The following SLC12A2 variants were observed in gnomAD, a reference collection of about 807,000 sequenced individuals.
The protein encoded by SLC12A2 is Na-K-2Cl cotransporter 1.
A neutral mutation model predicts 136.3 loss-of-function variants in SLC12A2; 67 were observed. That is an observed-to-expected ratio of 0.49 (90% CI 0.40 to 0.60). SLC12A2 has a LOEUF of 0.60. Ranked by LOEUF, SLC12A2 falls within the 20% of genes least tolerant of loss-of-function variation. The pLI is 0.00. For synonymous variants in SLC12A2, 619 were observed against 562.9 expected (o/e 1.10, Z -1.41); for missense variants, 1,322 against 1,534.7 (o/e 0.86, Z 2.32).
intron 1 of SLC12A2, among the ~76,000 whole-genome samples, chr5:128,102,305 TAG>T (rs1760765339): frequency 6.6e-6 from 1 of 152,110 alleles, no homozygotes; most frequent in African/African-American, 2.4e-5. Context: ...GATCAAGAAA[TAG>T]AATGTTGCTG....
In SLC12A2 at chr5:128,180,984, G is replaced by T; in HGVS notation, c.3202G>T (p.Asp1068Tyr). ...TGGAAAGATAAACAGAATAGACCAT[G>T]ACCGGAGAGCGTAAGTTTATTTCAC... is the stretch of plus-strand genomic sequence containing the variant. ...IGGKINRIDH[D>Y]RRAMATLLSK... The change falls in exon 23 of 27, where the codon GAC (aspartate) becomes TAC (tyrosine). Residue 1068 changes from aspartate (D) to tyrosine (Y), a missense_variant. Coordinates refer to ENST00000262461, the MANE Select transcript of SLC12A2 (RefSeq NM_001046.3). The T allele has an allele frequency of 1.3e-6, 2 of 1,585,320 alleles. No individual in the cohort carries two copies. Among genetic ancestry groups the T allele is most frequent in the South Asian group, 1.1e-5 (1 of 90,240 alleles).
chr5:128,114,530 C>T (rs1212633711), intron 3 of SLC12A2, 56 bp from the exon 4 acceptor site: 1 of 1,194,316 alleles, frequency 8.4e-7, no homozygotes, highest in Admixed American at 1.7e-5. Flanking sequence ...GTTTTAGATA[C>T]CGATGAGCTT....
chr5:128,176,754 A>T (rs961452559), intron 20 of SLC12A2, among the ~76,000 whole-genome samples: 1 of 152,064 alleles, frequency 6.6e-6, no homozygotes, highest in Non-Finnish European at 1.5e-5. Flanking sequence ...CTGCAATATC[A>T]ATGTTTAATG....
At chr5:128,124,449 C>A (rs1156667579) in intron 4 of SLC12A2, among the ~76,000 whole-genome samples, 2 of 152,186 alleles carry the variant, frequency 1.3e-5, no homozygotes, top group African/African-American at 2.4e-5. Flanking sequence ...GGGGTTTCCA[C>A]AGCCCCTTCC....
intron 12 of SLC12A2, 72 bp downstream of exon 12, chr5:128,148,949 T>TTAATA: frequency 7.9e-7 from 1 of 1,259,956 alleles, no homozygotes; most frequent in Non-Finnish European, 1.1e-6. Context: ...ATTATTAAAT[T>TTAATA]ATTAACAATG....
intron 18 of SLC12A2, chr5:128,168,317 C>T (rs57404079): frequency 0.046 from 7,069 of 152,410 alleles, 552 homozygotes; most frequent in African/African-American, 0.16. Context: ...TCATTTGGTT[C>T]ATTCATTAAG....
chr5:128,114,390 G>T, intron 3 of SLC12A2, 103 bp downstream of exon 3: 2 of 934,218 alleles, frequency 2.1e-6, no homozygotes, highest in African/African-American at 1.7e-5. Context: ...TTTTAACTAC[G>T]TTTTCCTTTA....
chr5:128,179,071 G>A (rs78878214), intron 22 of SLC12A2, among the ~76,000 whole-genome samples: 4,835 of 152,260 alleles, frequency 0.032, 102 homozygotes, highest in Non-Finnish European at 0.045. Context: ...GGTGGCACAG[G>A]ATGTTGATTT....
rs538774134 is a variant in SLC12A2 at position 128,153,720 on chromosome 5, C to T, written c.2363+915C>T. ...AGGGAAAATAATGTTTTTAAAGAAA[C>T]CCTGAAACGTAGATAAATGTCAAAA... On this transcript the variant is annotated intron_variant, in intron 15 of 26. Transcript: ENST00000262461. Among the ~76,000 whole-genome samples the T allele has an allele frequency of 2.3e-3, 355 of 152,146 alleles. 4 individuals are homozygous for T. Among genetic ancestry groups the T allele is most frequent in the Non-Finnish European group, 3.5e-3 (236 of 68,002 alleles).
intron 7 of SLC12A2, among the ~76,000 whole-genome samples, chr5:128,138,236 G>GC (rs1196527293): frequency 1.3e-4 from 20 of 152,150 alleles, no homozygotes; most frequent in Admixed American, 1.3e-3. Flanking sequence ...ACCACGCCAT[G>GC]CCCCCTTTTG....
intron 2 of SLC12A2, among the ~76,000 whole-genome samples, chr5:128,113,450 T>C (rs1169949573): frequency 1.3e-5 from 2 of 152,220 alleles, no homozygotes; most frequent in Non-Finnish European, 2.9e-5. Context: ...TCAGATTTAC[T>C]TCTGTTTTTC....
intron 10 of SLC12A2, among the ~76,000 whole-genome samples, chr5:128,143,892 AAATAAAATTATTTAT>A (rs201345860): frequency 0.024 from 3,654 of 149,312 alleles, 65 homozygotes; most frequent in South Asian, 0.05. Context: ...TTTTTATTAT[AAATAAAATTATTTAT>A]AATAAAATTA....
intron 1 of SLC12A2, among the ~76,000 whole-genome samples, chr5:128,094,393 G>A (rs1387266925): frequency 6.6e-6 from 1 of 151,808 alleles, no homozygotes; most frequent in African/African-American, 2.4e-5. Flanking sequence ...TGCGTATGTG[G>A]TGTTTAAGAC....
At chr5:128,087,428 A>G (rs1209323385) in intron 1 of SLC12A2, among the ~76,000 whole-genome samples, 1 of 152,178 alleles carries the variant, frequency 6.6e-6, no homozygotes, top group African/African-American at 2.4e-5. Flanking sequence ...ACTTGTAAAG[A>G]TAGAATAGGA....
chr5:128,126,969 T>TATAA lies in SLC12A2; in HGVS notation c.1049-4098_1049-4097insATAA, dbSNP rs1483249957. On this transcript the variant is annotated intron_variant, in intron 4 of 26. Transcript: ENST00000262461. The stretch of plus-strand genomic sequence containing the variant: ...ATATATATATATATATATATATATT[T>TATAA]TTTTTTTTTTTTTTTTTTGCATCTA... 6.1e-4 allele frequency among the ~76,000 whole-genome samples: 75 copies of TATAA among 123,362 alleles called. 3 individuals are homozygous for TATAA. Among genetic ancestry groups the TATAA allele is most frequent in the Non-Finnish European group, 5.2e-4 (32 of 61,426 alleles). 80.9% of individuals were successfully genotyped at this position (123,362 alleles called of 152,430 possible).
In SLC12A2 at chr5:128,096,936, T is replaced by G. The variant is rs1760561842; in HGVS notation, c.756+12226T>G. Reference sequence around the variant, plus strand: ...AAAATAGCAGTCTGTAATAACCCTTTAGATATAAGAACAGGACCTGAATTT... The same window carrying G: ...AAAATAGCAGTCTGTAATAACCCTTGAGATATAAGAACAGGACCTGAATTT... On this transcript the variant is annotated intron_variant, in intron 1 of 26. Coordinates refer to ENST00000262461, the MANE Select transcript of SLC12A2 (RefSeq NM_001046.3). 2.0e-5 allele frequency among the ~76,000 whole-genome samples: 3 copies of G among 152,178 alleles called. No homozygotes were observed. In the South Asian group the frequency reaches 6.2e-4, roughly 31 times the overall value.
At chr5:128,160,843 TTG>T (rs145223863) in intron 16 of SLC12A2, among the ~76,000 whole-genome samples, 145 of 147,078 alleles carry the variant, frequency 9.9e-4, no homozygotes, top group African/African-American at 1.8e-3. Flanking sequence ...GGGTGTGTGT[TTG>T]TGTGTGTGTG....
intron 4 of SLC12A2, among the ~76,000 whole-genome samples, chr5:128,122,538 C>G (rs1761621578): frequency 1.3e-5 from 2 of 152,096 alleles, no homozygotes; most frequent in South Asian, 4.1e-4. Context: ...CATTTTTTAA[C>G]AAAATTAATT....
At chr5:128,085,436 G>A (rs565624099) in intron 1 of SLC12A2, among the ~76,000 whole-genome samples, 87 of 152,232 alleles carry the variant, frequency 5.7e-4, no homozygotes, top group African/African-American at 1.3e-3. Flanking sequence ...AAGACCTGTG[G>A]GGTCTTTGCC....
Sources: allele counts gnomAD v4.1 joint callset (sites outside exome capture counted in the v4.1 genomes callset), GRCh38; gene constraint gnomAD v4.1.1; transcripts MANE v1.5; gene names NCBI Gene and HGNC (gene_info 2026-07-23, HGNC 2026-07-21).